The following ARL15 variants were observed in gnomAD, a reference collection of about 807,000 sequenced individuals.
ARL15 encodes the protein ADP-ribosylation factor-like protein 15.
Under a neutral mutation model 25.2 loss-of-function variants are expected in ARL15, and 19 were observed. That is an observed-to-expected ratio of 0.75 (90% CI 0.53 to 1.10). The LOEUF (loss-of-function observed/expected upper bound fraction) is 1.10. Ranked by LOEUF, ARL15 falls within the 50% of genes least tolerant of loss-of-function variation. The pLI is 0.00. For missense variants in ARL15, 220 were observed against 246.0 expected (o/e 0.89, Z 0.71); for synonymous variants, 94 against 86.8 (o/e 1.08, Z -0.46).
chr5:54,059,167 G>T (rs570743871), intron 4 of ARL15, among the ~76,000 whole-genome samples: 24 of 152,110 alleles, frequency 1.6e-4, no homozygotes, highest in African/African-American at 5.5e-4. Context: ...ATAGACTAAA[G>T]GTCATTGCTG....
intron 4 of ARL15, among the ~76,000 whole-genome samples, chr5:53,963,813 A>T (rs1747452396): frequency 1.4e-5 from 1 of 72,002 alleles, no homozygotes. Flanking sequence ...CATCACACAC[A>T]CACACACACA....
At chr5:54,081,331 A>G (rs1347667471) in intron 4 of ARL15, among the ~76,000 whole-genome samples, 1 of 152,192 alleles carries the variant, frequency 6.6e-6, no homozygotes, top group Non-Finnish European at 1.5e-5. Flanking sequence ...TGGGTACTCT[A>G]CTAATGATGG....
intron 4 of ARL15, among the ~76,000 whole-genome samples, chr5:54,068,158 G>T (rs968670687): frequency 6.6e-6 from 1 of 152,300 alleles, no homozygotes; most frequent in East Asian, 1.9e-4. Context: ...ACTGAGGATG[G>T]CTCACTCCAA....
chr5:53,967,239 T>C (rs908636621), intron 4 of ARL15, among the ~76,000 whole-genome samples: 1 of 152,226 alleles, frequency 6.6e-6, no homozygotes, highest in East Asian at 1.9e-4. Context: ...TTCCAAAACA[T>C]TAATGCTTTA....
At chr5:54,156,091 G>A (rs1185408653) in intron 2 of ARL15, among the ~76,000 whole-genome samples, 2 of 152,130 alleles carry the variant, frequency 1.3e-5, no homozygotes, top group Non-Finnish European at 1.5e-5. Context: ...TTTCAAATGG[G>A]TTTGTTTTGC....
chr5:54,144,076 G>T (rs918748987), intron 3 of ARL15, among the ~76,000 whole-genome samples: 2 of 152,002 alleles, frequency 1.3e-5, no homozygotes, highest in East Asian at 3.9e-4. Context: ...GTGCATGCAT[G>T]TGTGTGTGTA....
intron 4 of ARL15, among the ~76,000 whole-genome samples, chr5:54,053,729 C>T (rs1561204340): frequency 1.3e-5 from 2 of 152,066 alleles, no homozygotes; most frequent in Non-Finnish European, 2.9e-5. Context: ...AATACCTGAC[C>T]AGTACACCTC....
rs149490679 is a variant in ARL15 at position 54,308,461 on chromosome 5, A to C, written c.48+1971T>G. Among the ~76,000 whole-genome samples, 301 of 152,346 alleles carry C rather than the reference A, an allele frequency of 2.0e-3. 1 individual carries two copies. Among genetic ancestry groups the C allele is most frequent in the African/African-American group, 7.0e-3 (293 of 41,582 alleles). ...GCAAGTAAAGCTTTTTAAAAAGCCA[A>C]GTCAAATTTGAGGCCTGCTGATTTT... On this transcript the variant is annotated intron_variant, in intron 1 of 4. Transcript: ENST00000504924.
At chr5:54,039,014 A>C (rs1003283936) in intron 4 of ARL15, among the ~76,000 whole-genome samples, 1 of 152,202 alleles carries the variant, frequency 6.6e-6, no homozygotes, top group African/African-American at 2.4e-5. Flanking sequence ...AGTGATCAAA[A>C]TGAAGTGCTG....
At chr5:54,246,535 C>T (rs1485940203) in intron 1 of ARL15, among the ~76,000 whole-genome samples, 1 of 152,130 alleles carries the variant, frequency 6.6e-6, no homozygotes, top group Non-Finnish European at 1.5e-5. Context: ...CACAGCACCT[C>T]ATGCCCACCA....
At chr5:54,116,539 A>C (rs1227156384) in intron 3 of ARL15, among the ~76,000 whole-genome samples, 1 of 152,218 alleles carries the variant, frequency 6.6e-6, no homozygotes, top group Non-Finnish European at 1.5e-5. Flanking sequence ...TTTCATTGTA[A>C]GACTCAATGC....
chr5:54,190,061 G>A (rs1245630654), intron 1 of ARL15, among the ~76,000 whole-genome samples: 3 of 152,136 alleles, frequency 2.0e-5, no homozygotes, highest in African/African-American at 4.8e-5. Context: ...ATGAAAAGAT[G>A]CTCAATATCA....
chr5:54,134,165 T>A (rs1429111293), intron 3 of ARL15, among the ~76,000 whole-genome samples: 1 of 152,210 alleles, frequency 6.6e-6, no homozygotes, highest in Non-Finnish European at 1.5e-5. Flanking sequence ...AAAACTGGGA[T>A]CATTGTGAAC....
intron 4 of ARL15, among the ~76,000 whole-genome samples, chr5:54,089,615 G>T (rs947052576): frequency 1.3e-5 from 2 of 152,110 alleles, no homozygotes; most frequent in African/African-American, 4.8e-5. Flanking sequence ...AAGGAAAAAT[G>T]TTGAAAGCAC....
At chr5:54,156,777 G>A (rs960323046) in intron 2 of ARL15, among the ~76,000 whole-genome samples, 3 of 152,172 alleles carry the variant, frequency 2.0e-5, no homozygotes, top group African/African-American at 7.2e-5. Context: ...GGTTAATGGT[G>A]CATGAAGTCA....
intron 4 of ARL15, among the ~76,000 whole-genome samples, chr5:54,093,180 G>C (rs373726255): frequency 6.6e-6 from 1 of 152,190 alleles, no homozygotes; most frequent in African/African-American, 2.4e-5. Flanking sequence ...ACTGAGAATG[G>C]TGTCTATTGT....
chr5:54,265,033 C>T lies in ARL15; in HGVS notation c.48+45399G>A, dbSNP rs1310900501. The stretch of plus-strand genomic sequence containing the variant: ...CCATGCCATAGTTAAATGTTCAACA[C>T]TGACTGAATGAATGGACTGATCACC... On this transcript the variant is annotated intron_variant, in intron 1 of 4. Transcript: ENST00000504924. Among the ~76,000 whole-genome samples, 4 of 152,154 alleles carry T rather than the reference C, an allele frequency of 2.6e-5. No homozygotes were observed. The East Asian group carries it at 7.7e-4, about 29-fold the overall frequency.
chr5:53,908,786 C>T (rs780952675), intron 4 of ARL15, among the ~76,000 whole-genome samples: 5 of 152,138 alleles, frequency 3.3e-5, no homozygotes, highest in Non-Finnish European at 5.9e-5. Flanking sequence ...GATGACTTCC[C>T]TATTTGACAA....
At chr5:54,159,089 C>A (rs974066351) in intron 2 of ARL15, among the ~76,000 whole-genome samples, 1 of 152,056 alleles carries the variant, frequency 6.6e-6, no homozygotes, top group African/African-American at 2.4e-5. Context: ...TATAAATAAC[C>A]CAACACCTAA....
Sources: gnomAD v4.1 joint callset for allele counts (sites outside exome capture counted in the v4.1 genomes callset) on GRCh38, gnomAD v4.1.1 for gene constraint, MANE v1.5 for transcripts, NCBI Gene and HGNC (gene_info 2026-07-23, HGNC 2026-07-21) for gene names.